The following GULP1 variants were observed in gnomAD, a reference collection of about 807,000 sequenced individuals.
GULP1 encodes the protein PTB domain-containing engulfment adapter protein 1.
A neutral mutation model predicts 40.9 loss-of-function variants in GULP1; 19 were observed. That is an observed-to-expected ratio of 0.46 (90% CI 0.32 to 0.68). GULP1 has a LOEUF of 0.68. Among genes scored for constraint, GULP1 ranks in the 30% least tolerant of loss-of-function variants. The probability of loss-of-function intolerance (pLI) is 0.03; values close to 1 mark genes in which losing one functional copy is unlikely to be tolerated. For missense variants in GULP1, 312 were observed against 362.2 expected, an observed-to-expected ratio of 0.86 and a Z score of 1.12; for synonymous variants, 119 against 117.6, an observed-to-expected ratio of 1.01 and a Z score of -0.08.
At chr2:188,508,316 A>G (rs1417470186) in intron 4 of GULP1, among the ~76,000 whole-genome samples, 1 of 152,134 alleles carries the variant, frequency 6.6e-6, no homozygotes, top group Non-Finnish European at 1.5e-5. Flanking sequence ...GGATTTAAAA[A>G]GTAAACAAAA....
At chr2:188,442,992 A>G (rs1280602502) in intron 2 of GULP1, among the ~76,000 whole-genome samples, 1 of 152,178 alleles carries the variant, frequency 6.6e-6, no homozygotes, top group Admixed American at 6.5e-5. Context: ...GAGACTGAAA[A>G]TTCAGGTGCC....
intron 4 of GULP1, among the ~76,000 whole-genome samples, chr2:188,507,730 A>G (rs937570204): frequency 6.6e-6 from 1 of 151,994 alleles, no homozygotes; most frequent in Non-Finnish European, 1.5e-5. Context: ...CTTCAGACAT[A>G]TTAATAAATG....
chr2:188,405,942 A>G (rs752105765), intron 2 of GULP1, among the ~76,000 whole-genome samples: 9 of 152,240 alleles, frequency 5.9e-5, no homozygotes, highest in Non-Finnish European at 1.3e-4. Flanking sequence ...ATGAAGTTCC[A>G]TTAACTGACA....
Position 188,343,536 on chromosome 2 carries a change from A to C in GULP1, c.-171-40227A>C, listed in dbSNP as rs2043233230. The stretch of plus-strand genomic sequence containing the variant: ...AAGATCCTTAAAGCGAATTACAAAA[A>C]GACGCATATCTACTTAAACTATTTT... On this transcript the variant is annotated intron_variant, in intron 1 of 11. Coordinates refer to ENST00000409830, the MANE Select transcript of GULP1 (RefSeq NM_016315.4). Among the ~76,000 whole-genome samples the C allele has an allele frequency of 5.3e-5, 8 of 152,344 alleles. No individual in the cohort carries two copies. In the South Asian group the frequency reaches 1.4e-3, roughly 28 times the overall value.
chr2:188,415,946 A>C (rs2054526724), intron 2 of GULP1, among the ~76,000 whole-genome samples: 1 of 152,222 alleles, frequency 6.6e-6, no homozygotes, highest in African/African-American at 2.4e-5. Flanking sequence ...GTTGATTGAC[A>C]AAGCTCCTTT....
rs931507991 is a variant in GULP1, at chr2:188,396,064, C to G, written c.-45+12175C>G. Among the ~76,000 whole-genome samples the G allele has an allele frequency of 3.9e-5, 6 of 152,216 alleles. No homozygotes were observed. The East Asian group carries it at 1.2e-3, about 29-fold the overall frequency. ...TTTCCATCCTTGGTGCTGTGTTATT[C>G]TGCCTGCAGATGCTATAATGGACTG... On this transcript the variant is annotated intron_variant, in intron 2 of 11. Coordinates refer to ENST00000409830, the MANE Select transcript of GULP1 (RefSeq NM_016315.4).
intron 10 of GULP1, among the ~76,000 whole-genome samples, chr2:188,587,036 A>G (rs989278387): frequency 6.6e-5 from 10 of 152,000 alleles, no homozygotes; most frequent in African/African-American, 2.4e-4. Flanking sequence ...ACTAATTTTC[A>G]TATATAGTGT....
At chr2:188,535,958 AT>A (rs1311721958) in intron 6 of GULP1, among the ~76,000 whole-genome samples, 1 of 151,638 alleles carries the variant, frequency 6.6e-6, no homozygotes, top group African/African-American at 2.4e-5. Context: ...GATGTGGAGC[AT>A]TTTTTTCATG....
chr2:188,463,880 A>T (rs2059910811), intron 2 of GULP1, among the ~76,000 whole-genome samples: 1 of 151,720 alleles, frequency 6.6e-6, no homozygotes, highest in Non-Finnish European at 1.5e-5. Context: ...GTCTTTTTTA[A>T]ATTTATCTGA....
At chr2:188,506,073 A>G (rs2063881956) in intron 4 of GULP1, among the ~76,000 whole-genome samples, 1 of 151,868 alleles carries the variant, frequency 6.6e-6, no homozygotes, top group Admixed American at 6.6e-5. Context: ...TATACAATAT[A>G]ATTAGCACCT....
At chr2:188,419,935 C>T (rs1559220521) in intron 2 of GULP1, among the ~76,000 whole-genome samples, 1 of 152,120 alleles carries the variant, frequency 6.6e-6, no homozygotes, top group Non-Finnish European at 1.5e-5. Context: ...CCAGTTTTCT[C>T]AACACCATTT....
intron 9 of GULP1, among the ~76,000 whole-genome samples, chr2:188,584,015 C>T (rs973923663): frequency 6.6e-6 from 1 of 152,114 alleles, no homozygotes; most frequent in South Asian, 2.1e-4. Context: ...ATATTGTCAC[C>T]GTTTTTGCCA....
At chr2:188,484,533 GAAAAC>G (rs2061700767) in intron 4 of GULP1, among the ~76,000 whole-genome samples, 1 of 152,092 alleles carries the variant, frequency 6.6e-6, no homozygotes, top group Admixed American at 6.6e-5. Context: ...CAGAATAGGG[GAAAAC>G]AAAACTATAA....
chr2:188,518,100 A>G (rs1294942723), intron 4 of GULP1, among the ~76,000 whole-genome samples: 5 of 152,170 alleles, frequency 3.3e-5, no homozygotes, highest in Non-Finnish European at 5.9e-5. Flanking sequence ...ACAGTTATTT[A>G]TGGGTTTATA....
At chr2:188,458,965 G>T (rs2059491189) in intron 2 of GULP1, among the ~76,000 whole-genome samples, 1 of 152,180 alleles carries the variant, frequency 6.6e-6, no homozygotes, top group South Asian at 2.1e-4. Context: ...TCTGTGCCTG[G>T]CCTATTTCAC....
rs180919999 is a variant in GULP1 at position 188,546,645 on chromosome 2, C to G, written c.399+5327C>G. On this transcript the variant is annotated intron_variant, in intron 7 of 11. Transcript: ENST00000409830. ...AAATGAATAATCTATGTTCCCATCTCAAATACACAGAACAACAAAAATATC... is the reference window on the plus strand; with the variant it reads ...AAATGAATAATCTATGTTCCCATCTGAAATACACAGAACAACAAAAATATC... Among the ~76,000 whole-genome samples the G allele has an allele frequency of 3.4e-3, 516 of 152,054 alleles. 1 individual carries two copies. Among genetic ancestry groups the G allele is most frequent in the Non-Finnish European group, 6.4e-3 (438 of 67,924 alleles).
At chr2:188,406,461 C>T (rs928283854) in intron 2 of GULP1, among the ~76,000 whole-genome samples, 1 of 151,898 alleles carries the variant, frequency 6.6e-6, no homozygotes, top group Admixed American at 6.6e-5. Context: ...AACAAAAATA[C>T]AATCCAACAA....
At chr2:188,526,853 T>C (rs1462112513) in intron 5 of GULP1, among the ~76,000 whole-genome samples, 2 of 152,168 alleles carry the variant, frequency 1.3e-5, no homozygotes, top group African/African-American at 2.4e-5. Flanking sequence ...AAACCCACTT[T>C]ATGACCATGG....
chr2:188,348,324 C>G (rs965536246), intron 1 of GULP1, among the ~76,000 whole-genome samples: 1 of 152,094 alleles, frequency 6.6e-6, no homozygotes. Context: ...CTGGTCAAAC[C>G]TGTAACTATT....
Sources: gnomAD v4.1 joint callset for allele counts (sites outside exome capture counted in the v4.1 genomes callset) on GRCh38, gnomAD v4.1.1 for gene constraint, MANE v1.5 for transcripts, NCBI Gene and HGNC (gene_info 2026-07-23, HGNC 2026-07-21) for gene names.